Variants in CD37 observed in about 807,000 individuals in gnomAD.
CD37 encodes CD37 molecule, also known as leukocyte antigen CD37.
In CD37, 37 loss-of-function variants were observed where a neutral mutation model predicts 38.9. The ratio of observed to expected loss-of-function variants is 0.95; its 90% CI spans 0.73 to 1.25. The LOEUF (loss-of-function observed/expected upper bound fraction) is 1.25, where lower values mean the gene tolerates loss of function less well. Ranked by LOEUF, CD37 falls within the 50% of genes most tolerant of loss-of-function variation. CD37 has a pLI of 0.00. For missense variants in CD37, 351 were observed against 360.1 expected (o/e 0.97, Z 0.20); for synonymous variants, 146 against 150.1 (o/e 0.97, Z 0.20).
Position 49,335,964 on chromosome 19 carries a change from A to G in CD37, c.142+178A>G, listed in dbSNP as rs576664945. 2 of 635,366 alleles carry G rather than the reference A, an allele frequency of 3.1e-6. No individual in the cohort carries two copies. Among genetic ancestry groups the G allele is most frequent in the East Asian group, 2.6e-5 (1 of 37,998 alleles). 39.4% of individuals were successfully genotyped at this position (635,366 alleles called of 1,614,324 possible). On this transcript the variant is annotated intron_variant, in intron 2 of 7. Coordinates refer to ENST00000323906, the MANE Select transcript of CD37 (RefSeq NM_001774.3). This position sits in a 1 kb window ranked among gnomAD's most constrained non-coding sequence, Gnocchi z 4.6. ...CTTCTTCCGGCAAATGGGGTTGTGC[A>G]TACAAACAACAATGATCATGAGAGC...
chr19:49,338,640 C>T lies in CD37; in HGVS notation c.448-60C>T. The T allele has an allele frequency of 3.1e-6, 4 of 1,293,456 alleles. No homozygotes were observed. The highest frequency in any genetic ancestry group is 4.4e-6 in the Non-Finnish European group (4 of 902,146). 80.1% of individuals were successfully genotyped at this position (1,293,456 alleles called of 1,614,324 possible). On this transcript the variant is annotated intron_variant, in intron 5 of 7. Transcript: ENST00000323906. The surrounding 1 kb of genome is among the most constrained non-coding windows in gnomAD (Gnocchi z 5.0). ...GACCTCATACCCATCACCTTGTCCC[C>T]TGATCCCCAACATCATATGTCTCCA...
chr19:49,339,885 G>A lies in CD37; in HGVS notation c.769-366G>A. ...AGCTGCCCATGGCCCTGGGGCTCTG[G>A]CCGCTGTGGGTTCAAGACGAGGACC... is the stretch of plus-strand genomic sequence containing the variant. On this transcript the variant is annotated intron_variant, in intron 7 of 7. Transcript: ENST00000323906. This position sits in a 1 kb window ranked among gnomAD's most constrained non-coding sequence, Gnocchi z 4.5. The A allele has an allele frequency of 7.4e-7, 1 of 1,342,620 alleles. No individual in the cohort carries two copies. Among genetic ancestry groups the A allele is most frequent in the Non-Finnish European group, 9.6e-7 (1 of 1,041,522 alleles). 83.2% of individuals were successfully genotyped at this position (1,342,620 alleles called of 1,614,324 possible).
At position 49,335,749 on chromosome 19, in the gene CD37, G is replaced by C; in HGVS notation, c.105G>C (p.Trp35Cys). 1 of 1,613,344 alleles carries C rather than the reference G, an allele frequency of 6.2e-7. No individual in the cohort carries two copies. The highest frequency in any genetic ancestry group is 1.1e-5 in the South Asian group (1 of 91,082). Residue 35 changes from tryptophan to cysteine, a missense_variant, in exon 2 of 8, where the codon TGG becomes TGC. Transcript: ENST00000323906. The surrounding 1 kb of genome is among the most constrained non-coding windows in gnomAD (Gnocchi z 4.6). ...GCCTGATCTTCTGCTTCGGCATCTG[G>C]ATCCTCATTGACAAGACCAGCTTCG... Reference protein sequence around the residue: ...LGSLIFCFGIWILIDKTSFVS... With the variant: ...LGSLIFCFGICILIDKTSFVS...
intron 4 of CD37, 142 bp from the exon 5 acceptor site, chr19:49,337,783 C>G: frequency 6.5e-7 from 1 of 1,544,358 alleles, no homozygotes; most frequent in Non-Finnish European, 8.7e-7. Context: ...AAAGACAGAC[C>G]TGAAGTACAC....
chr19:49,338,941 G>A lies in CD37; in HGVS notation c.684+5G>A. 6.2e-7 allele frequency: 1 copy of A among 1,608,978 alleles called. No individual in the cohort carries two copies. The highest frequency in any genetic ancestry group is 1.1e-5 in the South Asian group (1 of 91,024). On this transcript the variant is annotated splice_donor_5th_base_variant and intron_variant, in intron 6 of 7. Coordinates refer to ENST00000323906, the MANE Select transcript of CD37 (RefSeq NM_001774.3). The surrounding 1 kb of genome is among the most constrained non-coding windows in gnomAD (Gnocchi z 5.0). Reference sequence around the variant, plus strand: ...GAGAGCCACATCTACCGCGAGGTGGGCAGGGGTTCGGAGCATAAACCTGTC... The same window carrying A: ...GAGAGCCACATCTACCGCGAGGTGGACAGGGGTTCGGAGCATAAACCTGTC...
chr19:49,339,208 C>T lies in CD37; in HGVS notation c.685-122C>T. ...GTGCACTAGTAAGGAGACTAGAGTG[C>T]CCTGGTGACTAGGGGAGCGGGTAGA... On this transcript the variant is annotated intron_variant, in intron 6 of 7. Coordinates refer to ENST00000323906, the MANE Select transcript of CD37 (RefSeq NM_001774.3). The surrounding 1 kb of genome is among the most constrained non-coding windows in gnomAD (Gnocchi z 4.5). The T allele has an allele frequency of 2.3e-6, 2 of 863,040 alleles. No homozygotes were observed. The highest frequency in any genetic ancestry group is 4.8e-5 in the East Asian group (2 of 41,408). 53.5% of individuals were successfully genotyped at this position (863,040 alleles called of 1,614,324 possible).
chr19:49,337,907 T>TCA lies in CD37; in HGVS notation c.343-16_343-15dup. 4 of 1,613,834 alleles carry TCA rather than the reference T, an allele frequency of 2.5e-6. No individual in the cohort carries two copies. The highest frequency in any genetic ancestry group is 3.4e-6 in the Non-Finnish European group (4 of 1,179,908). Reference sequence around the variant, plus strand: ...GGGGCGGGGAAGATAAGGCCCAGCCTCACTGGTGGCCTCTCAGCTGGAGCG... The same window carrying TCA: ...GGGGCGGGGAAGATAAGGCCCAGCCTCACACTGGTGGCCTCTCAGCTGGAGCG... On this transcript the variant is annotated splice_polypyrimidine_tract_variant and intron_variant, in intron 4 of 7. Coordinates refer to ENST00000323906, the MANE Select transcript of CD37 (RefSeq NM_001774.3).
In CD37 at chr19:49,338,579, T is replaced by A; in HGVS notation, c.448-121T>A. ...GTGACCCCAGCCCACTGTCCCCCAC[T>A]CCACACCCACCACTTAGTCCCCTGC... On this transcript the variant is annotated intron_variant, in intron 5 of 7. Coordinates refer to ENST00000323906, the MANE Select transcript of CD37 (RefSeq NM_001774.3). The surrounding 1 kb of genome is among the most constrained non-coding windows in gnomAD (Gnocchi z 5.0). 1 of 707,788 alleles carries A rather than the reference T, an allele frequency of 1.4e-6. No individual in the cohort carries two copies. The highest frequency in any genetic ancestry group is 2.5e-6 in the Non-Finnish European group (1 of 402,026). 43.8% of individuals were successfully genotyped at this position (707,788 alleles called of 1,614,324 possible).
chr19:49,335,425 TTC>T lies in CD37; in HGVS notation c.-109_-108del, dbSNP rs561070998. On this transcript the variant is annotated 5_prime_UTR_variant, in exon 1 of 8. Transcript: ENST00000323906. This position sits in a 1 kb window ranked among gnomAD's most constrained non-coding sequence, Gnocchi z 4.6. ...AACTTCCTCTTTTGGGGTTCTTCCT[TTC>T]TCTCTCAGCTCTCCGTCTCTCTTTC... 2 of 798,630 alleles carry T rather than the reference TTC, an allele frequency of 2.5e-6. No homozygotes were observed. The highest frequency in any genetic ancestry group is 4.3e-5 in the Admixed American group (2 of 46,266). The allele number at this position is 798,630 out of a possible 1,614,324, so 49.5% of individuals were successfully genotyped here.
Position 49,339,227 on chromosome 19 carries a change from G to C in CD37, c.685-103G>C, listed in dbSNP as rs2146222619. The C allele has an allele frequency of 2.0e-6, 2 of 1,004,552 alleles. No homozygotes were observed. The highest frequency in any genetic ancestry group is 2.2e-4 in the Middle Eastern group (1 of 4,616). 62.2% of individuals were successfully genotyped at this position (1,004,552 alleles called of 1,614,324 possible). On this transcript the variant is annotated intron_variant, in intron 6 of 7. Coordinates refer to ENST00000323906, the MANE Select transcript of CD37 (RefSeq NM_001774.3). The surrounding 1 kb of genome is among the most constrained non-coding windows in gnomAD (Gnocchi z 4.5). ...AGAGTGCCCTGGTGACTAGGGGAGC[G>C]GGTAGATGCCTGAAGACGGTGAGGG...
rs778459611 is a variant in CD37, at chr19:49,335,871, T to C, written c.142+85T>C. ...TCCCTTGTCTCAGGGAGACCTACGG[T>C]GCCCTACTCTGCAGGCAGGCTACAG... On this transcript the variant is annotated intron_variant, in intron 2 of 7. Transcript: ENST00000323906. The surrounding 1 kb of genome is among the most constrained non-coding windows in gnomAD (Gnocchi z 4.6). 8 of 1,089,640 alleles carry C rather than the reference T, an allele frequency of 7.3e-6. No homozygotes were observed. In the South Asian group the frequency reaches 1.0e-4, roughly 14 times the overall value. 67.5% of individuals were successfully genotyped at this position (1,089,640 alleles called of 1,614,324 possible). A position where few individuals can be genotyped will look rare whatever the true frequency, so the allele number is the denominator to read the frequency against.
chr19:49,340,486 C>A lies in CD37; in HGVS notation c.*158C>A, dbSNP rs572209799. ...GGCTGCGTGCCCCTGCTGCTGTCACCTCTCCCACGGGACCTGGGGCTTTCG... is the reference window on the plus strand; with the variant it reads ...GGCTGCGTGCCCCTGCTGCTGTCACATCTCCCACGGGACCTGGGGCTTTCG... On this transcript the variant is annotated 3_prime_UTR_variant, in exon 8 of 8. Transcript: ENST00000323906. 8 of 668,308 alleles carry A rather than the reference C, an allele frequency of 1.2e-5. 1 individual carries two copies. The South Asian group carries it at 1.3e-4, about 11-fold the overall frequency. The allele number at this position is 668,308 out of a possible 1,614,324, so 41.4% of individuals were successfully genotyped here. A position where few individuals can be genotyped will look rare whatever the true frequency, so the allele number is the denominator to read the frequency against.
chr19:49,340,205 G>A (rs1425491563), intron 7 of CD37, 46 bp from the exon 8 acceptor site: 14 of 1,550,538 alleles, frequency 9.0e-6, no homozygotes, highest in Non-Finnish European at 1.2e-5. Flanking sequence ...CCCCCGTCTC[G>A]CCAGCACCCC....
intron 4 of CD37, chr19:49,337,601 C>A (rs1478301468): frequency 1.2e-5 from 17 of 1,420,662 alleles, no homozygotes; most frequent in Non-Finnish European, 1.1e-5. Flanking sequence ...AGAGTGAGAC[C>A]CTGTCTCAAA....
rs1292046624 is a variant in CD37, at chr19:49,339,443, G to C, written c.768+30G>C. On this transcript the variant is annotated intron_variant, in intron 7 of 7. Coordinates refer to ENST00000323906, the MANE Select transcript of CD37 (RefSeq NM_001774.3). The surrounding 1 kb of genome is among the most constrained non-coding windows in gnomAD (Gnocchi z 4.5). ...TCTGGCCCCGCCCCCACCCGCGATC[G>C]GCCCTAAATCCCTAGATGGCCCTGC... is the stretch of plus-strand genomic sequence containing the variant. The C allele has an allele frequency of 1.9e-6, 3 of 1,600,346 alleles. No homozygotes were observed. The highest frequency in any genetic ancestry group is 2.6e-6 in the Non-Finnish European group (3 of 1,169,504).
At position 49,339,633 on chromosome 19, in the gene CD37, CG is replaced by C; in HGVS notation, c.768+221del. 13 of 1,430,170 alleles carry C rather than the reference CG, an allele frequency of 9.1e-6. No homozygotes were observed. The highest frequency in any genetic ancestry group is 1.1e-5 in the Non-Finnish European group (12 of 1,096,794). The allele number at this position is 1,430,170 out of a possible 1,614,324, so 88.6% of individuals were successfully genotyped here. ...AGGGAAAGCCTCCTGCTATTGGCTG[CG>C]ATCTCCCTCCCCTTTCTCCGCAGAT... On this transcript the variant is annotated intron_variant, in intron 7 of 7. Transcript: ENST00000323906. This position sits in a 1 kb window ranked among gnomAD's most constrained non-coding sequence, Gnocchi z 4.5.
Position 49,338,804 on chromosome 19 carries a change from G to T in CD37, c.552G>T (p.Leu184Phe), listed in dbSNP as rs756360565. 6.2e-7 allele frequency: 1 copy of T among 1,613,934 alleles called. No homozygotes were observed. Among genetic ancestry groups the T allele is most frequent in the South Asian group, 1.1e-5 (1 of 91,072 alleles). The stretch of plus-strand genomic sequence containing the variant: ...GCGTGCCCTGCTCCTGCTACAACTT[G>T]TCGGCGACCAACGACTCCACAATCC... The part of the protein sequence containing the change: ...AHRVPCSCYN[L>F]SATNDSTILD... Residue 184 changes from leucine (L) to phenylalanine (F), a missense_variant, in exon 6 of 8, where the codon TTG (leucine) becomes TTT (phenylalanine). Physicochemically the swap from Leu to Phe is conservative, Grantham distance 22. Coordinates refer to ENST00000323906, the MANE Select transcript of CD37 (RefSeq NM_001774.3). This position sits in a 1 kb window ranked among gnomAD's most constrained non-coding sequence, Gnocchi z 5.0.
Position 49,340,307 on chromosome 19 carries a change from C to A in CD37, c.825C>A (p.Asn275Lys), listed in dbSNP as rs751006342. The change falls in exon 8 of 8, where the codon AAC becomes AAA. Residue 275 changes from asparagine to lysine, a missense_variant. Asn to Lys is a moderately conservative substitution (Grantham distance 94). Transcript: ENST00000323906. ...FLCRNLDHVY[N>K]RLARYR ...GCAGAAACCTGGACCACGTCTACAA[C>A]CGGCTCGCTCGATACCGTTAGGCCC... The A allele has an allele frequency of 2.1e-5, 34 of 1,613,450 alleles. No individual in the cohort carries two copies. Among genetic ancestry groups the A allele is most frequent in the Admixed American group, 1.3e-4 (8 of 60,014 alleles).
Position 49,340,412 on chromosome 19 carries a change from C to G in CD37, c.*84C>G. Reference sequence around the variant, plus strand: ...CTGCCTGTAAATATTTGTTTAATCCCCAGTTCGCCTGGAGCCCTCCGCCTT... The same window carrying G: ...CTGCCTGTAAATATTTGTTTAATCCGCAGTTCGCCTGGAGCCCTCCGCCTT... On this transcript the variant is annotated 3_prime_UTR_variant, in exon 8 of 8. Coordinates refer to ENST00000323906, the MANE Select transcript of CD37 (RefSeq NM_001774.3). 1 of 997,372 alleles carries G rather than the reference C, an allele frequency of 1.0e-6. No individual in the cohort carries two copies. The highest frequency in any genetic ancestry group is 1.6e-5 in the African/African-American group (1 of 63,476). 61.8% of individuals were successfully genotyped at this position (997,372 alleles called of 1,614,324 possible).
Sources: allele counts gnomAD v4.1 joint callset, GRCh38; gene constraint gnomAD v4.1.1; non-coding constraint Gnocchi (gnomAD v3.1); transcripts MANE v1.5; gene names NCBI Gene and HGNC (gene_info 2026-07-23, HGNC 2026-07-21).